The following RBM22 variants were observed in gnomAD, a reference collection of about 807,000 sequenced individuals.
The protein encoded by RBM22 is RNA binding motif protein 22, also known as pre-mRNA-splicing factor RBM22.
RBM22 carries 1 observed loss-of-function variant against 50.1 expected under a neutral mutation model. That is an observed-to-expected ratio of 0.02 (90% CI 0.01 to 0.09). RBM22 has a LOEUF of 0.09. Ranked by LOEUF, RBM22 falls within the 10% of genes least tolerant of loss-of-function variation. RBM22 has a pLI of 1.00. For missense variants in RBM22, 264 were observed against 529.3 expected (o/e 0.50, Z 4.92); for synonymous variants, 152 against 179.0 (o/e 0.85, Z 1.20).
rs990707903 is a variant in RBM22 at position 150,696,169 on chromosome 5, T to A, written c.545+364A>T. On this transcript the variant is annotated intron_variant, in intron 6 of 10. Coordinates refer to ENST00000199814, the MANE Select transcript of RBM22 (RefSeq NM_018047.3). The surrounding 1 kb of genome is among the most constrained non-coding windows in gnomAD (Gnocchi z 4.3). ...CCAAATTAAGAACTCCTAATCCAGATGCTTGGCAGTCTTAACCAAAACATA... is the reference window on the plus strand; with the variant it reads ...CCAAATTAAGAACTCCTAATCCAGAAGCTTGGCAGTCTTAACCAAAACATA... Among the ~76,000 whole-genome samples, 1 of 151,964 alleles carries A rather than the reference T, an allele frequency of 6.6e-6. No individual in the cohort carries two copies. Among genetic ancestry groups the A allele is most frequent in the African/African-American group, 2.4e-5 (1 of 41,360 alleles).
intron 7 of RBM22, chr5:150,694,494 G>A: frequency 2.2e-6 from 1 of 448,008 alleles, no homozygotes. Flanking sequence ...AGGAAAGGGG[G>A]TTCTAATAGG....
rs776232666 is a variant in RBM22 at position 150,693,322 on chromosome 5, T to G, written c.912-15A>C. On this transcript the variant is annotated splice_polypyrimidine_tract_variant and intron_variant, in intron 8 of 10. Transcript: ENST00000199814. The stretch of plus-strand genomic sequence containing the variant: ...CTGCCTGGGATCTGGGAAACACACA[T>G]GCATACAGTCGGCACTCTGGCCCAC... 1.9e-6 allele frequency: 3 copies of G among 1,602,530 alleles called. No homozygotes were observed. The highest frequency in any genetic ancestry group is 2.2e-5 in the East Asian group (1 of 44,846).
rs754547281 is a variant in RBM22, at chr5:150,692,889, A to C, written c.1132+6T>G. On this transcript the variant is annotated splice_donor_region_variant and intron_variant, in intron 10 of 10. Coordinates refer to ENST00000199814, the MANE Select transcript of RBM22 (RefSeq NM_018047.3). ...TCTCTGGGCTAAGAAGGAAGATGGA[A>C]GTTACCTGGGGGTGGGGGTGGAGCA... The C allele has an allele frequency of 8.5e-6, 12 of 1,407,362 alleles. No individual in the cohort carries two copies. Among genetic ancestry groups the C allele is most frequent in the Non-Finnish European group, 1.2e-5 (12 of 1,012,080 alleles). The allele number at this position is 1,407,362 out of a possible 1,614,324, so 87.2% of individuals were successfully genotyped here.
chr5:150,700,648 G>T (rs751581517), intron 1 of RBM22, 151 bp from the exon 2 acceptor site: 1 of 1,531,188 alleles, frequency 6.5e-7, no homozygotes, highest in Non-Finnish European at 8.8e-7. Flanking sequence ...GCGGGAGGGG[G>T]CGCTGTCTGC....
intron 2 of RBM22, 59 bp from the exon 3 acceptor site, chr5:150,699,330 C>T (rs1167608352): frequency 6.6e-7 from 1 of 1,510,164 alleles, no homozygotes; most frequent in Non-Finnish European, 8.8e-7. Context: ...AGCCAGATGT[C>T]TACTCTTTCC....
chr5:150,698,403 A>G (rs1759304191), intron 4 of RBM22, 96 bp downstream of exon 4: 1 of 1,446,282 alleles, frequency 6.9e-7, no homozygotes, highest in Admixed American at 2.0e-5. Context: ...AAGTGAAATC[A>G]GAACCAGAGC....
chr5:150,691,823 T>C lies in RBM22; in HGVS notation c.1191A>G (p.Pro397=). ...MGPPPPFMRA[P]GPIHYPSQDP... ...CCTGAGAAGGATAGTGGATTGGTCC[T>C]GGAGCCCGCATGAAAGGAGGGGGTG... is the stretch of plus-strand genomic sequence containing the variant. Residue 397 remains proline (P), a synonymous_variant, in exon 11 of 11, where the codon CCA becomes CCG. Coordinates refer to ENST00000199814, the MANE Select transcript of RBM22 (RefSeq NM_018047.3). 6.2e-7 allele frequency: 1 copy of C among 1,601,404 alleles called. No individual in the cohort carries two copies. The highest frequency in any genetic ancestry group is 8.5e-7 in the Non-Finnish European group (1 of 1,173,964).
intron 8 of RBM22, among the ~76,000 whole-genome samples, chr5:150,693,741 A>G (rs557728960): frequency 6.6e-6 from 1 of 152,316 alleles, no homozygotes; most frequent in Admixed American, 6.5e-5. Flanking sequence ...CTGGACAATC[A>G]GCCTCTAAGG....
rs777708635 is a variant in RBM22, at chr5:150,696,524, C to CG, written c.545+8dup. On this transcript the variant is annotated intron_variant, in intron 6 of 10. Transcript: ENST00000199814. This position sits in a 1 kb window ranked among gnomAD's most constrained non-coding sequence, Gnocchi z 4.3. The stretch of plus-strand genomic sequence containing the variant: ...GAAAGCAAATACTGAAAATGAGGCT[C>CG]GCTCTTGCCTGTATGGACATTCCTC... 1.3e-5 allele frequency: 21 copies of CG among 1,605,058 alleles called. No individual in the cohort carries two copies. The African/African-American group carries it at 2.8e-4, about 21-fold the overall frequency.
At chr5:150,693,649 T>C (rs1413207634) in intron 8 of RBM22, among the ~76,000 whole-genome samples, 1 of 152,248 alleles carries the variant, frequency 6.6e-6, no homozygotes, top group African/African-American at 2.4e-5. Context: ...CCCTTTGAAC[T>C]GGGTCTTTCA....
chr5:150,701,049 C>CT lies in RBM22; in HGVS notation c.-65_-64insA. On this transcript the variant is annotated 5_prime_UTR_variant, in exon 1 of 11. Coordinates refer to ENST00000199814, the MANE Select transcript of RBM22 (RefSeq NM_018047.3). ...GGAGAGAGGACCGCCACAATCCCGT[C>CT]AAGCCCCGAGGCTAGCGCCGCGCCG... The CT allele has an allele frequency of 1.2e-6, 2 of 1,607,864 alleles. No homozygotes were observed. Among genetic ancestry groups the CT allele is most frequent in the South Asian group, 2.2e-5 (2 of 90,878 alleles).
intron 7 of RBM22, chr5:150,695,274 C>T: frequency 2.0e-6 from 1 of 506,300 alleles, no homozygotes; most frequent in East Asian, 3.4e-5. Context: ...AGAGATCCTC[C>T]CAAAGTGTTG....
intron 8 of RBM22, 135 bp from the exon 9 acceptor site, chr5:150,693,442 AC>A (rs1419803024): frequency 1.2e-5 from 8 of 689,864 alleles, no homozygotes; most frequent in Admixed American, 1.1e-4. Context: ...CATAAATGCC[AC>A]TGTGCACAGT....
chr5:150,700,485 G>C lies in RBM22; in HGVS notation c.67C>G (p.Leu23Val). 1 of 1,614,172 alleles carries C rather than the reference G, an allele frequency of 6.2e-7. No individual in the cohort carries two copies. The highest frequency in any genetic ancestry group is 1.1e-5 in the South Asian group (1 of 91,084). Residue 23 changes from leucine to valine, a missense_variant, in exon 2 of 11, where the codon CTG becomes GTG. This residue lies in a region of RBM22 where 15 missense variants were observed against 99.4 expected (regional missense o/e 0.15). Transcript: ENST00000199814. ...TTTTCTCCAAGACATGTCTGGCACAGAATGGGGAAGTCCTGGTGAAAATGG... is the reference window on the plus strand; with the variant it reads ...TTTTCTCCAAGACATGTCTGGCACACAATGGGGAAGTCCTGGTGAAAATGG... The part of the protein sequence containing the change: ...QNWEDADFPI[L>V]CQTCLGENPY...
At chr5:150,699,126 A>G (rs1334013405) in intron 3 of RBM22, 116 bp downstream of exon 3, 1 of 1,382,092 alleles carries the variant, frequency 7.2e-7, no homozygotes. Context: ...ATACATAAAA[A>G]GTTGTATAGC....
chr5:150,693,035 G>A lies in RBM22; in HGVS notation c.1001-9C>T, dbSNP rs779061332. ...AGGAGGAGGAGGAAGAGCTGGAGGA[G>A]AGAAAATAGTCAACACATAGAGGGG... On this transcript the variant is annotated splice_polypyrimidine_tract_variant and intron_variant, in intron 9 of 10. Transcript: ENST00000199814. 10 of 1,602,256 alleles carry A rather than the reference G, an allele frequency of 6.2e-6. No homozygotes were observed. The Admixed American group carries it at 1.7e-4, about 28-fold the overall frequency.
In RBM22 at chr5:150,694,507, C is replaced by G. The variant is rs139796545; in HGVS notation, c.747-267G>C. ...GGAGGAAAGGGGGTTCTAATAGGTT[C>G]TTTAAAGACCCTAAACCCTAGATAA... On this transcript the variant is annotated intron_variant, in intron 7 of 10. Coordinates refer to ENST00000199814, the MANE Select transcript of RBM22 (RefSeq NM_018047.3). The G allele has an allele frequency of 4.2e-4, 169 of 398,860 alleles. 2 individuals carry two copies. In the East Asian group the frequency reaches 7.7e-3, roughly 18 times the overall value. 24.7% of individuals were successfully genotyped at this position (398,860 alleles called of 1,614,324 possible).
chr5:150,694,055 T>G, intron 8 of RBM22, 21 bp downstream of exon 8: 6 of 1,604,768 alleles, frequency 3.7e-6, no homozygotes, highest in Non-Finnish European at 5.1e-6. Context: ...AAATGTCACT[T>G]AAAAATAGTT....
chr5:150,700,561 T>A (rs1759332160), intron 1 of RBM22, 64 bp from the exon 2 acceptor site: 1 of 1,610,836 alleles, frequency 6.2e-7, no homozygotes, highest in Admixed American at 1.7e-5. Flanking sequence ...TCAGTGACAC[T>A]TGGGGTGGCG....
Sources: allele counts gnomAD v4.1 joint callset (sites outside exome capture counted in the v4.1 genomes callset), GRCh38; gene constraint gnomAD v4.1.1; regional missense constraint gnomAD v4.1.1; non-coding constraint Gnocchi (gnomAD v3.1); transcripts MANE v1.5; gene names NCBI Gene and HGNC (gene_info 2026-07-23, HGNC 2026-07-21).